ZER1: variants seen among roughly 807,000 people sequenced by gnomAD.
ZER1 encodes zyg-11 related cell cycle regulator.
In ZER1, 11 loss-of-function variants were observed where a neutral mutation model predicts 78.8. The observed-to-expected ratio is 0.14, with a 90% CI of 0.09 to 0.23. The LOEUF (loss-of-function observed/expected upper bound fraction) is 0.23, where lower values mean the gene tolerates loss of function less well. Among genes scored for constraint, ZER1 ranks in the 10% least tolerant of loss-of-function variants. ZER1 has a pLI of 1.00. For synonymous variants in ZER1, 400 were observed against 407.0 expected, an observed-to-expected ratio of 0.98 and a Z score of 0.21; for missense variants, 588 against 996.9, an observed-to-expected ratio of 0.59 and a Z score of 5.52.
At chr9:128,762,373 A>G (rs1204080511) in intron 1 of ZER1, among the ~76,000 whole-genome samples, 1 of 152,200 alleles carries the variant, frequency 6.6e-6, no homozygotes, top group Non-Finnish European at 1.5e-5. Context: ...GCCAGTTCTG[A>G]GTTCAACTGT....
chr9:128,739,603 C>A lies in ZER1; in HGVS notation c.2042+328G>T, dbSNP rs184044215. Among the ~76,000 whole-genome samples the A allele has an allele frequency of 5.9e-3, 902 of 152,182 alleles. 10 individuals are homozygous for A. The highest frequency in any genetic ancestry group is 0.02 in the African/African-American group (849 of 41,506). ...GATTATGGGCAAGAGCTACTGTGCCCGGCCCACCTGTATGGTTTTCTGTTG... is the reference window on the plus strand; with the variant it reads ...GATTATGGGCAAGAGCTACTGTGCCAGGCCCACCTGTATGGTTTTCTGTTG... On this transcript the variant is annotated intron_variant, in intron 13 of 15. Coordinates refer to ENST00000291900, the MANE Select transcript of ZER1 (RefSeq NM_006336.4).
chr9:128,761,850 C>T (rs1262535737), intron 1 of ZER1, among the ~76,000 whole-genome samples: 2 of 152,098 alleles, frequency 1.3e-5, no homozygotes, highest in South Asian at 2.1e-4. Context: ...GTGATCCGCC[C>T]GCCTCAGCCT....
intron 1 of ZER1, among the ~76,000 whole-genome samples, chr9:128,770,913 T>C (rs1198839975): frequency 6.6e-6 from 1 of 152,188 alleles, no homozygotes; most frequent in African/African-American, 2.4e-5. Context: ...CTCATGCCTG[T>C]ATTTCCAGCA....
At position 128,753,823 on chromosome 9, in the gene ZER1, C is replaced by A; in HGVS notation, c.295G>T (p.Ala99Ser). Residue 99 changes from alanine (A) to serine (S), a missense_variant, in exon 3 of 16, where the codon GCC becomes TCC. Physicochemically the swap from Ala to Ser is moderately conservative, Grantham distance 99. Transcript: ENST00000291900. This position sits in a 1 kb window ranked among gnomAD's most constrained non-coding sequence, Gnocchi z 7.5. ...EDLVQDQDLE[A>S]IRKQDLVELY... The stretch of plus-strand genomic sequence containing the variant: ...GCAGGTCTCACCTGCTTGCGGATGG[C>A]CTCCAGGTCCTGGTCCTGCACCAGG... 1 of 1,593,792 alleles carries A rather than the reference C, an allele frequency of 6.3e-7. No individual in the cohort carries two copies. Among genetic ancestry groups the A allele is most frequent in the South Asian group, 1.1e-5 (1 of 87,840 alleles).
At position 128,752,738 on chromosome 9, in the gene ZER1, G is replaced by A; in HGVS notation, c.858C>T (p.Ile286=). The A allele has an allele frequency of 6.2e-7, 1 of 1,614,188 alleles. No homozygotes were observed. The highest frequency in any genetic ancestry group is 8.5e-7 in the Non-Finnish European group (1 of 1,180,038). ...QKLGNLMSLD[I]SGHMILENCS... is the part of the protein sequence containing the mutation. ...AGTTCTCTAGGATCATGTGGCCAGA[G>A]ATGTCCAGGGACATTAGGTTCCCCA... Residue 286 remains isoleucine (I), a synonymous_variant, in exon 5 of 16, where the codon ATC becomes ATT. Coordinates refer to ENST00000291900, the MANE Select transcript of ZER1 (RefSeq NM_006336.4).
chr9:128,766,919 C>CTTATTTAT lies in ZER1; in HGVS notation c.-95+4654_-95+4661dup, dbSNP rs71381802. Reference sequence around the variant, plus strand: ...CAGTTCGCATCAAAGTCACAGATAACTTATTTATTTATTTATTTATTTTTC... The same window carrying CTTATTTAT: ...CAGTTCGCATCAAAGTCACAGATAACTTATTTATTTATTTATTTATTTATTTATTTTTC... On this transcript the variant is annotated intron_variant, in intron 1 of 15. Coordinates refer to ENST00000291900, the MANE Select transcript of ZER1 (RefSeq NM_006336.4). 6.3e-3 allele frequency among the ~76,000 whole-genome samples: 865 copies of CTTATTTAT among 137,930 alleles called. 13 individuals are homozygous for CTTATTTAT. The highest frequency in any genetic ancestry group is 0.021 in the African/African-American group (768 of 36,868). 90.5% of individuals were successfully genotyped at this position (137,930 alleles called of 152,430 possible).
intron 1 of ZER1, among the ~76,000 whole-genome samples, chr9:128,756,772 G>C (rs1198560045): frequency 3.3e-5 from 5 of 152,140 alleles, no homozygotes; most frequent in African/African-American, 7.2e-5. Flanking sequence ...GTTTCTTTTT[G>C]GGGTGATGAA....
intron 1 of ZER1, among the ~76,000 whole-genome samples, chr9:128,767,267 G>T (rs1156232730): frequency 6.6e-6 from 1 of 151,766 alleles, no homozygotes; most frequent in Non-Finnish European, 1.5e-5. Context: ...TCTTTTAAGA[G>T]ACAGGGTCTC....
chr9:128,757,287 G>C (rs1395080922), intron 1 of ZER1, among the ~76,000 whole-genome samples: 1 of 152,180 alleles, frequency 6.6e-6, no homozygotes, highest in Non-Finnish European at 1.5e-5. Context: ...GGGAGCCAGA[G>C]GTGGGCAAAT....
chr9:128,768,705 G>C (rs753103449), intron 1 of ZER1, among the ~76,000 whole-genome samples: 4 of 152,106 alleles, frequency 2.6e-5, no homozygotes, highest in Non-Finnish European at 5.9e-5. Flanking sequence ...GTCCGGGCTT[G>C]GGGTATAAGG....
chr9:128,759,187 T>C (rs1589541580), intron 1 of ZER1, among the ~76,000 whole-genome samples: 1 of 151,678 alleles, frequency 6.6e-6, no homozygotes, highest in African/African-American at 2.4e-5. Flanking sequence ...TTTTTTTCTT[T>C]TGAGACGGAG....
chr9:128,762,559 C>T (rs565887131), intron 1 of ZER1, among the ~76,000 whole-genome samples: 132 of 152,204 alleles, frequency 8.7e-4, no homozygotes, highest in Middle Eastern at 3.2e-3. Flanking sequence ...ATCCCCAGCA[C>T]GGTGTGAAGA....
chr9:128,764,873 C>A (rs971881672), intron 1 of ZER1, among the ~76,000 whole-genome samples: 1 of 152,170 alleles, frequency 6.6e-6, no homozygotes, highest in Non-Finnish European at 1.5e-5. Context: ...CCTTTTCTTG[C>A]ATGTTCTCTA....
rs1423671773 is a variant in ZER1 at position 128,756,070 on chromosome 9, T to A, written c.-94-411A>T. On this transcript the variant is annotated intron_variant, in intron 1 of 15. Coordinates refer to ENST00000291900, the MANE Select transcript of ZER1 (RefSeq NM_006336.4). ...GCTGTGCCAGGGCTTAATAGACATA[T>A]AGACATGATATCACTGAATCTCATG... Among the ~76,000 whole-genome samples the A allele has an allele frequency of 3.3e-5, 5 of 152,312 alleles. No individual in the cohort carries two copies. The East Asian group carries it at 9.6e-4, about 29-fold the overall frequency.
chr9:128,760,029 G>A (rs1423604422), intron 1 of ZER1, among the ~76,000 whole-genome samples: 1 of 150,820 alleles, frequency 6.6e-6, no homozygotes, highest in Non-Finnish European at 1.5e-5. Context: ...ACAGGCATGT[G>A]CCACCACGCC....
In ZER1 at chr9:128,747,649, C is replaced by T. The variant is rs1051391486; in HGVS notation, c.1359+2967G>A. Among the ~76,000 whole-genome samples the T allele has an allele frequency of 7.9e-5, 12 of 152,220 alleles. No individual in the cohort carries two copies. The South Asian group carries it at 1.2e-3, about 16-fold the overall frequency. On this transcript the variant is annotated intron_variant, in intron 8 of 15. Transcript: ENST00000291900. ...TTTGTTTTGACACAGAGTCTTGCTT[C>T]GTCACCCAGACTGGAGTGCAGTGGC...
rs1239726480 is a variant in ZER1 at position 128,737,838 on chromosome 9, G to A, written c.2042+2093C>T. On this transcript the variant is annotated intron_variant, in intron 13 of 15. Coordinates refer to ENST00000291900, the MANE Select transcript of ZER1 (RefSeq NM_006336.4). ...CTGCCTCAGCCTCCCAAGTAGCTGG[G>A]ATTACAGGTGCCCACCACCATGCCT... Among the ~76,000 whole-genome samples, 6 of 151,652 alleles carry A rather than the reference G, an allele frequency of 4.0e-5. No homozygotes were observed. In the East Asian group the frequency reaches 1.2e-3, roughly 29 times the overall value.
chr9:128,765,006 C>G (rs1391510200), intron 1 of ZER1, among the ~76,000 whole-genome samples: 1 of 152,204 alleles, frequency 6.6e-6, no homozygotes, highest in Admixed American at 6.5e-5. Flanking sequence ...TCCATGTTGG[C>G]TGCTTCCAGA....
At chr9:128,752,418 G>A (rs990024374) in intron 5 of ZER1, among the ~76,000 whole-genome samples, 4 of 151,738 alleles carry the variant, frequency 2.6e-5, no homozygotes, top group South Asian at 2.1e-4. Flanking sequence ...TCCGCCTCCC[G>A]GCTTCAATTC....
Sources: allele counts gnomAD v4.1 joint callset (sites outside exome capture counted in the v4.1 genomes callset), GRCh38; gene constraint gnomAD v4.1.1; non-coding constraint Gnocchi (gnomAD v3.1); transcripts MANE v1.5; gene names NCBI Gene and HGNC (gene_info 2026-07-23, HGNC 2026-07-21).